DNAH17: variants seen among roughly 807,000 people sequenced by gnomAD.
DNAH17 encodes the protein axonemal beta dynein heavy chain 17.
Under a neutral mutation model 485.6 loss-of-function variants are expected in DNAH17, and 376 were observed. The ratio of observed to expected loss-of-function variants is 0.77; its 90% CI spans 0.71 to 0.84. DNAH17 has a LOEUF of 0.84. Among genes scored for constraint, DNAH17 ranks in the 40% least tolerant of loss-of-function variants. The pLI is 0.00. For missense variants in DNAH17, 6,370 were observed against 5,839.3 expected, an observed-to-expected ratio of 1.09 and a Z score of -2.96; for synonymous variants, 3,031 against 2,405.9, an observed-to-expected ratio of 1.26 and a Z score of -7.60.
chr17:78,567,911 A>C (rs2092294193), intron 9 of DNAH17, among the ~76,000 whole-genome samples: 1 of 152,140 alleles, frequency 6.6e-6, no homozygotes, highest in Admixed American at 6.5e-5. Flanking sequence ...CCTACCAGGC[A>C]CAGTGCAGGC....
intron 55 of DNAH17, among the ~76,000 whole-genome samples, chr17:78,467,498 G>A (rs563422144): frequency 2.0e-5 from 3 of 152,334 alleles, no homozygotes; most frequent in Non-Finnish European, 1.5e-5. Flanking sequence ...GCACCTATCA[G>A]GGGATGCCTT....
chr17:78,517,557 G>A (rs1444132066), intron 25 of DNAH17, among the ~76,000 whole-genome samples: 2 of 152,130 alleles, frequency 1.3e-5, no homozygotes, highest in Non-Finnish European at 2.9e-5. Context: ...CTGCCTAGGA[G>A]GCCACATGGC....
At position 78,433,963 on chromosome 17, in the gene DNAH17, A is replaced by AGGAG. The variant is rs1364044205; in HGVS notation, c.12225+62_12225+65dup. On this transcript the variant is annotated intron_variant, in intron 75 of 80. Coordinates refer to ENST00000389840, the MANE Select transcript of DNAH17 (RefSeq NM_173628.4). Reference sequence around the variant, plus strand: ...AAGGAGGGAGGGAAGGAGGGAGGGAAGGAGGGAGGGAAGGAGGGAAAGAGG... The same window carrying AGGAG: ...AAGGAGGGAGGGAAGGAGGGAGGGAAGGAGGGAGGGAGGGAAGGAGGGAAAGAGG... 19 of 1,254,410 alleles carry AGGAG rather than the reference A, an allele frequency of 1.5e-5. No homozygotes were observed. In the African/African-American group the frequency reaches 2.3e-4, roughly 15 times the overall value. The allele number at this position is 1,254,410 out of a possible 1,614,324, so 77.7% of individuals were successfully genotyped here. A position where few individuals can be genotyped will look rare whatever the true frequency, so the allele number is the denominator to read the frequency against.
intron 27 of DNAH17, among the ~76,000 whole-genome samples, chr17:78,509,281 T>A (rs544495865): frequency 8.6e-5 from 13 of 151,922 alleles, no homozygotes; most frequent in East Asian, 7.7e-4. Flanking sequence ...CTAATTTTTT[T>A]AAATTTATTT....
intron 17 of DNAH17, among the ~76,000 whole-genome samples, chr17:78,543,494 G>A (rs1488367295): frequency 6.6e-6 from 1 of 151,142 alleles, no homozygotes; most frequent in African/African-American, 2.4e-5. Flanking sequence ...GTTTCACCTT[G>A]TTAGCCAGGA....
chr17:78,538,735 G>C (rs9892181), intron 18 of DNAH17, among the ~76,000 whole-genome samples: 150,539 of 152,280 alleles, frequency 0.99, 74,414 homozygotes, highest in East Asian at 1. Flanking sequence ...GTAGTGACGA[G>C]TACTTTCGTC....
rs2086894636 is a variant in DNAH17, at chr17:78,437,671, GTT to G, written c.12001_12002del (p.Asn4001LeufsTer86). On this transcript the variant is annotated frameshift_variant, in exon 74 of 81. Coordinates refer to ENST00000389840, the MANE Select transcript of DNAH17 (RefSeq NM_173628.4). LOFTEE classifies it high-confidence loss of function. The part of the protein sequence containing the change: ...TNEPPTGMHA[N>X]LHKALDLFTQ... ...TGAACAGGTCCAGGGCCTTGTGCAA[GTT>G]GGCGTGCATGCCCGTGGGGGGCTCG... is the stretch of plus-strand genomic sequence containing the variant. 6.2e-7 allele frequency: 1 copy of G among 1,611,172 alleles called. No individual in the cohort carries two copies.
rs985270691 is a variant in DNAH17, at chr17:78,529,416, G to A, written c.3507+56C>T. On this transcript the variant is annotated intron_variant, in intron 22 of 80. Transcript: ENST00000389840. Reference sequence around the variant, plus strand: ...GTTTGATGGGCTGGTCCATGGTCGCGGCCGGGATGGCTCTCCCTGCTCACC... The same window carrying A: ...GTTTGATGGGCTGGTCCATGGTCGCAGCCGGGATGGCTCTCCCTGCTCACC... 21 of 1,572,954 alleles carry A rather than the reference G, an allele frequency of 1.3e-5. 1 individual carries two copies. The highest frequency in any genetic ancestry group is 1.7e-4 in the Middle Eastern group (1 of 5,972).
In DNAH17 at chr17:78,450,353, C is replaced by T. The variant is rs35068504; in HGVS notation, c.10941G>A (p.Ala3647=). The change falls in exon 68 of 81, where the codon GCG becomes GCA. Residue 3647 remains alanine (A), a synonymous_variant. Coordinates refer to ENST00000389840, the MANE Select transcript of DNAH17 (RefSeq NM_173628.4). ...CCGCAGCCGGGCGGTAGTTCTCTCT[C>T]GCTTCGTTGATTTTAACTTCTGTGA... ...AKITEVKINE[A]RENYRPAAER... is the part of the protein sequence containing the mutation. 239 of 1,613,864 alleles carry T rather than the reference C, an allele frequency of 1.5e-4. No homozygotes were observed. Among genetic ancestry groups the T allele is most frequent in the Non-Finnish European group, 1.8e-4 (212 of 1,179,870 alleles).
In DNAH17 at chr17:78,570,160, G is replaced by C. The variant is rs2092330572; in HGVS notation, c.1044+87C>G. 2.0e-5 allele frequency: 29 copies of C among 1,423,636 alleles called. 2 individuals are homozygous for C. In the South Asian group the frequency reaches 3.9e-4, roughly 19 times the overall value. 88.2% of individuals were successfully genotyped at this position (1,423,636 alleles called of 1,614,324 possible). On this transcript the variant is annotated intron_variant, in intron 7 of 80. Coordinates refer to ENST00000389840, the MANE Select transcript of DNAH17 (RefSeq NM_173628.4). ...CTTGGCCTGCTTTCAAACTGCTGGG[G>C]AACATGGGCAGCAGGAAAACAGTGA...
chr17:78,473,738 G>A lies in DNAH17; in HGVS notation c.8511+1540C>T, dbSNP rs149304396. Among the ~76,000 whole-genome samples the A allele has an allele frequency of 7.1e-3, 1,083 of 152,106 alleles. 2 individuals are homozygous for A. The highest frequency in any genetic ancestry group is 0.011 in the Admixed American group (171 of 15,276). On this transcript the variant is annotated intron_variant, in intron 54 of 80. Coordinates refer to ENST00000389840, the MANE Select transcript of DNAH17 (RefSeq NM_173628.4). ...AGGAAGGATCAGGGAGAAAATCCCC[G>A]CAGGGACGCAGAGCAAGGAAACGAT...
intron 26 of DNAH17, among the ~76,000 whole-genome samples, chr17:78,513,502 C>T (rs572976010): frequency 6.6e-6 from 1 of 152,324 alleles, no homozygotes; most frequent in South Asian, 2.1e-4. Flanking sequence ...GTGGCATGAT[C>T]TCGGCTCACT....
chr17:78,524,911 C>A (rs1414610559), intron 25 of DNAH17, 98 bp downstream of exon 25: 19 of 1,488,440 alleles, frequency 1.3e-5, no homozygotes, highest in Non-Finnish European at 1.7e-5. Flanking sequence ...TTGTCACATT[C>A]TTACAACCAA....
At chr17:78,503,942 G>A (rs2090395790) in intron 31 of DNAH17, among the ~76,000 whole-genome samples, 1 of 151,718 alleles carries the variant, frequency 6.6e-6, no homozygotes, top group African/African-American at 2.4e-5. Flanking sequence ...CTCCAGCCTG[G>A]GCGACAAGAG....
Position 78,552,770 on chromosome 17 carries a change from T to G in DNAH17, c.2214A>C (p.Leu738=). ...KTIVKAVEFL[L]IKSELEAIDV... is the part of the protein sequence containing the mutation. Reference sequence around the variant, plus strand: ...CAATTGCTTCCAGTTCTGACTTTATTAGTAGAAATTCTACTGCCTTCACTA... The same window carrying G: ...CAATTGCTTCCAGTTCTGACTTTATGAGTAGAAATTCTACTGCCTTCACTA... The change falls in exon 15 of 81, where the codon CTA becomes CTC. Residue 738 remains leucine (L), a synonymous_variant. Coordinates refer to ENST00000389840, the MANE Select transcript of DNAH17 (RefSeq NM_173628.4). The G allele has an allele frequency of 6.2e-7, 1 of 1,613,572 alleles. No individual in the cohort carries two copies. The highest frequency in any genetic ancestry group is 8.5e-7 in the Non-Finnish European group (1 of 1,179,482).
intron 48 of DNAH17, among the ~76,000 whole-genome samples, chr17:78,482,088 TTTC>T (rs1236999948): frequency 6.6e-5 from 9 of 137,368 alleles, no homozygotes; most frequent in Admixed American, 5.6e-4. Flanking sequence ...TTTTTTTTTT[TTTC>T]CCCCGAGACA....
chr17:78,511,092 C>T (rs2090625404), intron 26 of DNAH17, among the ~76,000 whole-genome samples: 1 of 152,178 alleles, frequency 6.6e-6, no homozygotes, highest in Non-Finnish European at 1.5e-5. Context: ...TCCTGGCCTC[C>T]AGCACTGTGA....
At chr17:78,495,792 C>CCT (rs1364532358) in intron 38 of DNAH17, 83 bp downstream of exon 38, 2 of 1,516,882 alleles carry the variant, frequency 1.3e-6, no homozygotes, top group Non-Finnish European at 1.8e-6. Context: ...CTGCCCCTCC[C>CCT]CTCTGCCCAC....
At chr17:78,543,471 T>C (rs1220783342) in intron 17 of DNAH17, among the ~76,000 whole-genome samples, 2 of 151,644 alleles carry the variant, frequency 1.3e-5, no homozygotes, top group Non-Finnish European at 2.9e-5. Context: ...TTTGTATTTT[T>C]AGTAGAGACG....
Sources: allele counts gnomAD v4.1 joint callset (sites outside exome capture counted in the v4.1 genomes callset), GRCh38; gene constraint gnomAD v4.1.1; transcripts MANE v1.5; gene names NCBI Gene and HGNC (gene_info 2026-07-23, HGNC 2026-07-21).